GRB10: variants seen among roughly 807,000 people sequenced by gnomAD.
The protein encoded by GRB10 is growth factor receptor-bound protein 10.
GRB10 carries 20 observed loss-of-function variants against 80.9 expected under a neutral mutation model. That is an observed-to-expected ratio of 0.25 (90% CI 0.17 to 0.36). GRB10 has a LOEUF of 0.36. Among genes scored for constraint, GRB10 ranks in the 10% least tolerant of loss-of-function variants. The probability of loss-of-function intolerance (pLI) is 1.00; values close to 1 mark genes in which losing one functional copy is unlikely to be tolerated. For missense variants in GRB10, 548 were observed against 747.7 expected (o/e 0.73, Z 3.12); for synonymous variants, 291 against 291.5 (o/e 1.00, Z 0.02).
chr7:50,752,758 C>A (rs73113863), intron 3 of GRB10, among the ~76,000 whole-genome samples: 9,720 of 152,180 alleles, frequency 0.064, 698 homozygotes, highest in Admixed American at 0.18. Context: ...GAGGCTGAGC[C>A]CCGCAAGGCA....
chr7:50,646,402 G>A (rs1034522633), intron 7 of GRB10, among the ~76,000 whole-genome samples: 5 of 152,204 alleles, frequency 3.3e-5, no homozygotes, highest in African/African-American at 9.6e-5. Flanking sequence ...GATACTGTCC[G>A]CAGTGTCACC....
intron 4 of GRB10, chr7:50,710,940 G>A (rs2065803195): frequency 3.7e-6 from 6 of 1,605,134 alleles, no homozygotes; most frequent in Non-Finnish European, 5.1e-6. Context: ...TCTACAGTGG[G>A]TATCACGTGG....
intron 6 of GRB10, among the ~76,000 whole-genome samples, chr7:50,671,965 C>T (rs1278432894): frequency 6.6e-6 from 1 of 152,180 alleles, no homozygotes; most frequent in Non-Finnish European, 1.5e-5. Flanking sequence ...GGGATGGTGG[C>T]AGGAACTGCA....
intron 6 of GRB10, among the ~76,000 whole-genome samples, chr7:50,671,898 G>A (rs1487995203): frequency 6.6e-6 from 1 of 152,216 alleles, no homozygotes; most frequent in African/African-American, 2.4e-5. Context: ...CACCAAAGAG[G>A]CTCACAATAG....
At chr7:50,683,596 G>C (rs1240525598) in intron 5 of GRB10, among the ~76,000 whole-genome samples, 1 of 152,118 alleles carries the variant, frequency 6.6e-6, no homozygotes, top group African/African-American at 2.4e-5. Context: ...AATTAGCCAG[G>C]TGTGGTGGTG....
In GRB10 at chr7:50,591,242, A is replaced by T. The variant is rs1226554581; in HGVS notation, c.*1710T>A. On this transcript the variant is annotated 3_prime_UTR_variant, in exon 19 of 19. Transcript: ENST00000401949. ...CATTTGTATACCTTTCATGGAAAAC[A>T]ACTAGAGTGTGGTCTGTAGACTGAC... The T allele has an allele frequency of 6.6e-6, 1 of 152,280 alleles. No homozygotes were observed. The highest frequency in any genetic ancestry group is 2.4e-5 in the African/African-American group (1 of 41,474). 9.4% of individuals were successfully genotyped at this position (152,280 alleles called of 1,614,324 possible). A position where few individuals can be genotyped will look rare whatever the true frequency, so the allele number is the denominator to read the frequency against.
At chr7:50,614,919 C>CA (rs1179024471) in intron 11 of GRB10, 39 bp from the exon 12 acceptor site, 1 of 1,332,102 alleles carries the variant, frequency 7.5e-7, no homozygotes, top group Non-Finnish European at 1.1e-6. Flanking sequence ...TCAAGCACAG[C>CA]AAAGAGCAAA....
intron 2 of GRB10, among the ~76,000 whole-genome samples, chr7:50,758,406 G>A (rs1472514512): frequency 2.0e-5 from 3 of 152,158 alleles, no homozygotes; most frequent in Admixed American, 1.3e-4. Flanking sequence ...ACTAACCTGG[G>A]GAAAAATAAA....
intron 2 of GRB10, among the ~76,000 whole-genome samples, chr7:50,764,001 C>T (rs2076063434): frequency 6.6e-6 from 1 of 152,280 alleles, no homozygotes; most frequent in African/African-American, 2.4e-5. Flanking sequence ...GCTGCCCAGA[C>T]ACTGCTGTCC....
intron 5 of GRB10, among the ~76,000 whole-genome samples, chr7:50,687,407 C>T (rs942438450): frequency 6.6e-6 from 1 of 152,246 alleles, no homozygotes; most frequent in African/African-American, 2.4e-5. Flanking sequence ...CGAGCCTTCA[C>T]ACCTCTGCCT....
At chr7:50,737,859 A>G (rs1587696827) in intron 3 of GRB10, among the ~76,000 whole-genome samples, 1 of 152,376 alleles carries the variant, frequency 6.6e-6, no homozygotes, top group East Asian at 1.9e-4. Context: ...AAAAACAAAC[A>G]AACAAACAAA....
At chr7:50,692,344 T>A (rs1397930430) in intron 5 of GRB10, among the ~76,000 whole-genome samples, 1 of 152,092 alleles carries the variant, frequency 6.6e-6, no homozygotes, top group Non-Finnish European at 1.5e-5. Context: ...ATCTTCAAGA[T>A]TTTTTGTGGA....
intron 17 of GRB10, among the ~76,000 whole-genome samples, chr7:50,599,070 T>C (rs1460522997): frequency 6.6e-6 from 1 of 152,090 alleles, no homozygotes; most frequent in Non-Finnish European, 1.5e-5. Flanking sequence ...TCTCCTGCAG[T>C]TCTGGGACGG....
chr7:50,771,840 T>C (rs2077009745), intron 2 of GRB10, among the ~76,000 whole-genome samples: 1 of 152,218 alleles, frequency 6.6e-6, no homozygotes, highest in African/African-American at 2.4e-5. Flanking sequence ...AGAGGATCTA[T>C]TTCTGACCTG....
chr7:50,669,874 G>C lies in GRB10; in HGVS notation c.363-11C>G. The C allele has an allele frequency of 6.2e-7, 1 of 1,606,112 alleles. No homozygotes were observed. Among genetic ancestry groups the C allele is most frequent in the Non-Finnish European group, 8.5e-7 (1 of 1,176,010 alleles). Reference sequence around the variant, plus strand: ...TCCTCCTGAAGGCGCCTGGAAGGCAGGGATAAGTGCCTGTTAAAAGCTGCC... The same window carrying C: ...TCCTCCTGAAGGCGCCTGGAAGGCACGGATAAGTGCCTGTTAAAAGCTGCC... On this transcript the variant is annotated splice_polypyrimidine_tract_variant and intron_variant, in intron 6 of 18. Coordinates refer to ENST00000401949, the MANE Select transcript of GRB10 (RefSeq NM_001350814.2).
chr7:50,605,660 G>A (rs931576279), intron 14 of GRB10, among the ~76,000 whole-genome samples: 5 of 152,122 alleles, frequency 3.3e-5, no homozygotes, highest in Non-Finnish European at 5.9e-5. Context: ...GAGGCCCCCG[G>A]CACCCGCAGC....
chr7:50,694,588 A>T (rs1414470261), intron 5 of GRB10, among the ~76,000 whole-genome samples: 2 of 152,170 alleles, frequency 1.3e-5, no homozygotes, highest in Non-Finnish European at 2.9e-5. Context: ...GAGATCTCAC[A>T]GGATGAAGAA....
At chr7:50,775,179 A>AAAAAAAAAAAAAAAAAAAAAAC (rs1562689445) in intron 2 of GRB10, among the ~76,000 whole-genome samples, 4 of 148,694 alleles carry the variant, frequency 2.7e-5, no homozygotes, top group Non-Finnish European at 4.5e-5. Context: ...AAAAACAAAA[A>AAAAAAAAAAAAAAAAAAAAAAC]AAAACAGTGG....
intron 4 of GRB10, among the ~76,000 whole-genome samples, chr7:50,709,528 C>G (rs2065553580): frequency 6.6e-6 from 1 of 151,636 alleles, no homozygotes; most frequent in Admixed American, 6.6e-5. Context: ...CACAACTCAG[C>G]TGCTTTCTCC....
Sources: gnomAD v4.1 joint callset for allele counts (sites outside exome capture counted in the v4.1 genomes callset) on GRCh38, gnomAD v4.1.1 for gene constraint, MANE v1.5 for transcripts, NCBI Gene and HGNC (gene_info 2026-07-23, HGNC 2026-07-21) for gene names.